The following DCLK1 variants were observed in gnomAD, a reference collection of about 807,000 sequenced individuals.
The protein encoded by DCLK1 is doublecortin like kinase 1.
Under a neutral mutation model 86.2 loss-of-function variants are expected in DCLK1, and 16 were observed. The observed-to-expected ratio is 0.19, with a 90% CI of 0.13 to 0.28. DCLK1 has a LOEUF of 0.28. DCLK1 is among the 10% of genes least tolerant of loss of function. The pLI, the probability that DCLK1 is intolerant of heterozygous loss-of-function variation, is 1.00. For synonymous variants in DCLK1, 369 were observed against 370.5 expected (o/e 1.00, Z 0.05); for missense variants, 590 against 940.2 (o/e 0.63, Z 4.87).
intron 3 of DCLK1, among the ~76,000 whole-genome samples, chr13:36,045,330 G>GTATATATATATCTATATATA (rs1316034070): frequency 3.5e-5 from 2 of 56,622 alleles, no homozygotes; most frequent in East Asian, 9.0e-4. Context: ...GTGTGTGTGT[G>GTATATATATATCTATATATA]TGTATATATA....
chr13:35,963,346 A>G lies in DCLK1; in HGVS notation c.724-15889T>C, dbSNP rs1010174463. Among the ~76,000 whole-genome samples, 4 of 152,186 alleles carry G rather than the reference A, an allele frequency of 2.6e-5. No individual in the cohort carries two copies. In the East Asian group the frequency reaches 5.8e-4, roughly 22 times the overall value. On this transcript the variant is annotated intron_variant, in intron 3 of 16. Coordinates refer to ENST00000360631, the MANE Select transcript of DCLK1 (RefSeq NM_001330071.2). ...GCTTGTACAGGTAGTATAGTGGGGA[A>G]CAATGGAAATATTTTAATTCTACAA...
At chr13:35,960,785 A>G (rs1243803394) in intron 3 of DCLK1, among the ~76,000 whole-genome samples, 1 of 152,156 alleles carries the variant, frequency 6.6e-6, no homozygotes, top group Non-Finnish European at 1.5e-5. Flanking sequence ...TCCACAAATA[A>G]TTTCTAATGG....
chr13:36,131,613 A>C (rs1166291598), upstream of DCLK1, among the ~76,000 whole-genome samples: 2 of 152,054 alleles, frequency 1.3e-5, no homozygotes, highest in Non-Finnish European at 2.9e-5. Context: ...CCTAGTCCCC[A>C]CAAGTAGTCT....
At chr13:35,885,379 G>A (rs1593698426) in intron 4 of DCLK1, among the ~76,000 whole-genome samples, 1 of 152,188 alleles carries the variant, frequency 6.6e-6, no homozygotes, top group Non-Finnish European at 1.5e-5. Flanking sequence ...ATTCAAGTGG[G>A]AAACCAAGAA....
In DCLK1 at chr13:35,822,883, G is replaced by A. The variant is rs193254435; in HGVS notation, c.1408-8C>T. The A allele has an allele frequency of 4.2e-5, 67 of 1,613,748 alleles. No homozygotes were observed. The East Asian group carries it at 1.3e-3, about 31-fold the overall frequency. The stretch of plus-strand genomic sequence containing the variant: ...ATCAAAAAGGTCTCCCCCCTGAGAA[G>A]AGAACAGAAGCTGAAGCAGCACATT... On this transcript the variant is annotated splice_region_variant and splice_polypyrimidine_tract_variant and intron_variant, in intron 10 of 16. Coordinates refer to ENST00000360631, the MANE Select transcript of DCLK1 (RefSeq NM_001330071.2).
Position 35,797,683 on chromosome 13 carries a change from C to A in DCLK1, c.1945-4204G>T, listed in dbSNP as rs149481203. 4.4e-3 allele frequency among the ~76,000 whole-genome samples: 673 copies of A among 151,852 alleles called. 6 individuals are homozygous for A. The highest frequency in any genetic ancestry group is 0.015 in the African/African-American group (641 of 41,366). On this transcript the variant is annotated intron_variant, in intron 15 of 16. Transcript: ENST00000360631. ...CATGTAAACACACACACACACACAC[C>A]CCATGACAATGAAAAAGTCTGCAGT...
At chr13:36,025,674 T>C (rs2153151881) in intron 3 of DCLK1, among the ~76,000 whole-genome samples, 1 of 152,296 alleles carries the variant, frequency 6.6e-6, no homozygotes, top group South Asian at 2.1e-4. Context: ...TTATAGGCAA[T>C]GTCCCTAATT....
chr13:35,853,379 G>A (rs1036420841), intron 6 of DCLK1, among the ~76,000 whole-genome samples: 5 of 152,112 alleles, frequency 3.3e-5, no homozygotes, highest in Non-Finnish European at 7.3e-5. Flanking sequence ...TTCATCAAAC[G>A]CTCAAAACAA....
intron 3 of DCLK1, among the ~76,000 whole-genome samples, chr13:35,953,176 C>T (rs543287585): frequency 2.0e-5 from 3 of 152,180 alleles, no homozygotes; most frequent in South Asian, 2.1e-4. Flanking sequence ...AAGAGACAAA[C>T]TCTATTTGAC....
chr13:35,850,638 G>T (rs1870545723), intron 6 of DCLK1: 2 of 1,404,830 alleles, frequency 1.4e-6, no homozygotes, highest in South Asian at 1.9e-5. Flanking sequence ...ACTCTTTTGT[G>T]TATTTTGCTG....
intron 4 of DCLK1, among the ~76,000 whole-genome samples, chr13:35,876,698 G>A (rs1025801390): frequency 6.6e-6 from 1 of 152,140 alleles, no homozygotes; most frequent in African/African-American, 2.4e-5. Context: ...CATTTTCATA[G>A]CCTCAGGCAA....
At chr13:36,067,291 A>G (rs1270152293) in intron 3 of DCLK1, among the ~76,000 whole-genome samples, 1 of 149,060 alleles carries the variant, frequency 6.7e-6, no homozygotes, top group Non-Finnish European at 1.5e-5. Context: ...CATCATTCTC[A>G]GTAAACTATC....
intron 4 of DCLK1, among the ~76,000 whole-genome samples, chr13:35,933,069 G>C (rs1876545587): frequency 6.6e-6 from 1 of 152,168 alleles, no homozygotes; most frequent in Non-Finnish European, 1.5e-5. Context: ...CCAAAACAGA[G>C]GGGCAAGAGG....
chr13:35,892,166 T>G (rs1873688106), intron 4 of DCLK1, among the ~76,000 whole-genome samples: 1 of 152,094 alleles, frequency 6.6e-6, no homozygotes, highest in African/African-American at 2.4e-5. Context: ...TCTTAGAGAG[T>G]CTGTTTCACC....
chr13:35,869,537 G>T (rs11838747), intron 5 of DCLK1, among the ~76,000 whole-genome samples: 32,981 of 152,180 alleles, frequency 0.22, 3,950 homozygotes, highest in Admixed American at 0.32. Flanking sequence ...TAGAAAGGAA[G>T]TCATCTCTGT....
At chr13:36,042,060 C>T (rs1305719023) in intron 3 of DCLK1, among the ~76,000 whole-genome samples, 1 of 152,090 alleles carries the variant, frequency 6.6e-6, no homozygotes, top group Non-Finnish European at 1.5e-5. Flanking sequence ...GGGCTGTGAA[C>T]ACAGTGTAAA....
At chr13:36,077,570 T>A (rs1884257115) in intron 3 of DCLK1, among the ~76,000 whole-genome samples, 2 of 152,144 alleles carry the variant, frequency 1.3e-5, no homozygotes, top group Non-Finnish European at 2.9e-5. Context: ...AAGCAGAAAA[T>A]ATATATATAA....
intron 3 of DCLK1, among the ~76,000 whole-genome samples, chr13:36,082,450 T>C (rs1298346265): frequency 1.3e-5 from 2 of 152,226 alleles, no homozygotes; most frequent in Admixed American, 6.5e-5. Flanking sequence ...GTTTTGGAAG[T>C]GTCTAAAGTT....
intron 3 of DCLK1, among the ~76,000 whole-genome samples, chr13:35,970,125 C>T (rs1289900691): frequency 6.6e-6 from 1 of 152,002 alleles, no homozygotes; most frequent in Non-Finnish European, 1.5e-5. Flanking sequence ...TTTCTCCTTT[C>T]TATTAAGGGA....
Sources: gnomAD v4.1 joint callset for allele counts (sites outside exome capture counted in the v4.1 genomes callset) on GRCh38, gnomAD v4.1.1 for gene constraint, MANE v1.5 for transcripts, NCBI Gene and HGNC (gene_info 2026-07-23, HGNC 2026-07-21) for gene names.